SCD5: variants seen among roughly 807,000 people sequenced by gnomAD.
SCD5 encodes the protein stearoyl-CoA desaturase 5.
In SCD5, 20 loss-of-function variants were observed where a neutral mutation model predicts 30.4. That is an observed-to-expected ratio of 0.66 (90% CI 0.46 to 0.96). SCD5 has a LOEUF of 0.96. SCD5 is among the 40% of genes least tolerant of loss of function. The pLI is 0.00. For missense variants in SCD5, 381 were observed against 443.3 expected (o/e 0.86, Z 1.26); for synonymous variants, 173 against 176.4 (o/e 0.98, Z 0.16).
intron 1 of SCD5, among the ~76,000 whole-genome samples, chr4:82,785,220 T>C (rs528214275): frequency 4.9e-4 from 75 of 152,274 alleles, no homozygotes; most frequent in Admixed American, 8.5e-4. Context: ...CTGAAAGCAA[T>C]TGAAAAGAAG....
chr4:82,648,523 G>A (rs972528471), intron 3 of SCD5, among the ~76,000 whole-genome samples: 6 of 39,992 alleles, frequency 1.5e-4, no homozygotes, highest in Non-Finnish European at 2.2e-4. Context: ...AGAAACAACA[G>A]TGGATGCTCT....
rs368839845 is a variant in SCD5, at chr4:82,664,961, A to ATCTCTCTCTCTC, written c.569+15734_569+15745dup. On this transcript the variant is annotated intron_variant, in intron 3 of 4. Coordinates refer to ENST00000319540, the MANE Select transcript of SCD5 (RefSeq NM_001037582.3). ...AGCCTGGGCAGCATAGCAAGACCCC[A>ATCTCTCTCTCTC]TCTCTCTCTCTCTCTCTCTCTCTCT... 1.8e-3 allele frequency among the ~76,000 whole-genome samples: 142 copies of ATCTCTCTCTCTC among 77,044 alleles called. 1 individual carries two copies. Among genetic ancestry groups the ATCTCTCTCTCTC allele is most frequent in the Middle Eastern group, 6.9e-3 (1 of 144 alleles). The allele number at this position is 77,044 out of a possible 152,430, so 50.5% of individuals were successfully genotyped here.
chr4:82,777,148 C>T (rs1386832391), intron 1 of SCD5, among the ~76,000 whole-genome samples: 1 of 152,164 alleles, frequency 6.6e-6, no homozygotes, highest in African/African-American at 2.4e-5. Context: ...AATTAATTAG[C>T]CCCATGACAT....
intron 1 of SCD5, among the ~76,000 whole-genome samples, chr4:82,770,092 T>A (rs1023549448): frequency 6.6e-6 from 1 of 152,192 alleles, no homozygotes; most frequent in African/African-American, 2.4e-5. Context: ...CGTGCAGGTT[T>A]GTTACATATG....
At chr4:82,793,581 G>A (rs1328407311) in intron 1 of SCD5, among the ~76,000 whole-genome samples, 1 of 152,196 alleles carries the variant, frequency 6.6e-6, no homozygotes, top group East Asian at 1.9e-4. Context: ...TGCGCTGCCG[G>A]AAGACTTTTT....
At chr4:82,735,199 G>A (rs962509809) in intron 1 of SCD5, among the ~76,000 whole-genome samples, 2 of 152,148 alleles carry the variant, frequency 1.3e-5, no homozygotes, top group African/African-American at 2.4e-5. Context: ...CTGTCTGTGC[G>A]GTTTGCAAGT....
chr4:82,743,256 T>C (rs1006172523), intron 1 of SCD5, among the ~76,000 whole-genome samples: 23 of 152,220 alleles, frequency 1.5e-4, no homozygotes, highest in Non-Finnish European at 2.2e-4. Flanking sequence ...ACACCTGCAA[T>C]CCCAGCACTT....
chr4:82,786,702 G>C (rs1181500628), intron 1 of SCD5, among the ~76,000 whole-genome samples: 1 of 149,826 alleles, frequency 6.7e-6, no homozygotes, highest in Non-Finnish European at 1.5e-5. Context: ...TGAGGCAGGA[G>C]AATCGCTTGA....
At chr4:82,691,652 G>A (rs1007592496) in intron 2 of SCD5, 1 of 152,108 alleles carries the variant, frequency 6.6e-6, no homozygotes. Flanking sequence ...ATAGCCTCAG[G>A]ATGGGAGCAG....
chr4:82,679,680 G>C (rs1167717934), intron 3 of SCD5, among the ~76,000 whole-genome samples: 3 of 152,194 alleles, frequency 2.0e-5, no homozygotes, highest in Non-Finnish European at 2.9e-5. Flanking sequence ...GATTCCAGCA[G>C]TCTGTCTCCA....
At chr4:82,707,052 G>A (rs1361576094) in intron 1 of SCD5, among the ~76,000 whole-genome samples, 2 of 152,176 alleles carry the variant, frequency 1.3e-5, no homozygotes, top group African/African-American at 4.8e-5. Flanking sequence ...CTAATTCTCT[G>A]TTCTTAATTT....
chr4:82,797,620 T>G (rs1391505427), intron 1 of SCD5, among the ~76,000 whole-genome samples: 1 of 151,884 alleles, frequency 6.6e-6, no homozygotes, highest in Non-Finnish European at 1.5e-5. Flanking sequence ...CAGTCGGAGC[T>G]TCGTGCTAGG....
intron 1 of SCD5, among the ~76,000 whole-genome samples, chr4:82,714,964 CA>C (rs1408876161): frequency 6.7e-6 from 1 of 150,366 alleles, no homozygotes; most frequent in Non-Finnish European, 1.5e-5. Context: ...AGGCTAGGCG[CA>C]GTGGCTCACA....
chr4:82,724,299 G>A (rs1720427747), intron 1 of SCD5, among the ~76,000 whole-genome samples: 1 of 152,264 alleles, frequency 6.6e-6, no homozygotes, highest in Non-Finnish European at 1.5e-5. Flanking sequence ...AACATAGATG[G>A]CCAGCATGAG....
intron 1 of SCD5, among the ~76,000 whole-genome samples, chr4:82,716,920 C>A (rs1303372321): frequency 6.6e-6 from 1 of 151,756 alleles, no homozygotes; most frequent in Non-Finnish European, 1.5e-5. Context: ...ATTCCCTAAA[C>A]AATATACTGT....
intron 1 of SCD5, among the ~76,000 whole-genome samples, chr4:82,778,616 C>T (rs1233492093): frequency 6.6e-6 from 1 of 152,150 alleles, no homozygotes; most frequent in Non-Finnish European, 1.5e-5. Context: ...ACTCTGATGA[C>T]CCTTTGATGT....
chr4:82,654,274 A>G (rs1254102637), intron 3 of SCD5, among the ~76,000 whole-genome samples: 2 of 152,234 alleles, frequency 1.3e-5, no homozygotes, highest in African/African-American at 4.8e-5. Flanking sequence ...GAAAACAGGC[A>G]GTGTGAAGAG....
intron 1 of SCD5, among the ~76,000 whole-genome samples, chr4:82,713,187 G>GGA (rs964377811): frequency 2.4e-4 from 36 of 152,132 alleles, no homozygotes; most frequent in African/African-American, 8.4e-4. Context: ...GGATAGAACA[G>GGA]GAGAGAGAGA....
intron 1 of SCD5, among the ~76,000 whole-genome samples, chr4:82,729,397 G>A (rs1345898892): frequency 1.3e-5 from 2 of 152,116 alleles, no homozygotes; most frequent in Non-Finnish European, 1.5e-5. Context: ...AGTCAGCGAT[G>A]CTTTCTTGTG....
Sources: allele counts gnomAD v4.1 joint callset (sites outside exome capture counted in the v4.1 genomes callset), GRCh38; gene constraint gnomAD v4.1.1; transcripts MANE v1.5; gene names NCBI Gene and HGNC (gene_info 2026-07-23, HGNC 2026-07-21).